The following HIVEP3 variants were observed in gnomAD, a reference collection of about 807,000 sequenced individuals.
The protein encoded by HIVEP3 is HIVEP zinc finger 3, also known as transcription factor HIVEP3.
Under a neutral mutation model 152.8 loss-of-function variants are expected in HIVEP3, and 49 were observed. The observed-to-expected ratio is 0.32, with a 90% CI of 0.26 to 0.41. HIVEP3 has a LOEUF of 0.41. Among genes scored for constraint, HIVEP3 ranks in the 10% least tolerant of loss-of-function variants. The pLI is 1.00. For missense variants in HIVEP3, 2,790 were observed against 3,103.3 expected (o/e 0.90, Z 2.40); for synonymous variants, 1,269 against 1,289.0 (o/e 0.98, Z 0.33).
intron 1 of HIVEP3, among the ~76,000 whole-genome samples, chr1:41,715,185 C>A (rs1646572578): frequency 6.6e-6 from 1 of 152,234 alleles, no homozygotes; most frequent in Non-Finnish European, 1.5e-5. Context: ...CTTCTTCTCT[C>A]CGACCTGGGA....
At chr1:41,965,067 G>A (rs1645190226) in intron 1 of HIVEP3, among the ~76,000 whole-genome samples, 1 of 152,244 alleles carries the variant, frequency 6.6e-6, no homozygotes, top group Admixed American at 6.5e-5. Context: ...GAAGGAACAG[G>A]CAGCCATCTT....
chr1:41,536,699 A>T (rs975551383), intron 5 of HIVEP3, among the ~76,000 whole-genome samples: 8 of 152,192 alleles, frequency 5.3e-5, no homozygotes, highest in African/African-American at 1.7e-4. Flanking sequence ...ACAGATTCAG[A>T]TTTTTAAAAA....
chr1:41,859,357 T>TA (rs1264345866), intron 1 of HIVEP3, among the ~76,000 whole-genome samples: 1 of 152,224 alleles, frequency 6.6e-6, no homozygotes, highest in Non-Finnish European at 1.5e-5. Context: ...GGCTAAATAT[T>TA]AAAAAATAGA....
chr1:41,622,913 CA>C (rs1645066352), intron 3 of HIVEP3, among the ~76,000 whole-genome samples: 1 of 152,218 alleles, frequency 6.6e-6, no homozygotes, highest in Non-Finnish European at 1.5e-5. Flanking sequence ...GTGCCCTTTA[CA>C]CATATTCATT....
intron 1 of HIVEP3, among the ~76,000 whole-genome samples, chr1:41,826,219 T>C (rs1185078683): frequency 6.6e-6 from 1 of 152,198 alleles, no homozygotes; most frequent in Non-Finnish European, 1.5e-5. Context: ...AAGGCTTATT[T>C]CTCTTGTATA....
intron 2 of HIVEP3, among the ~76,000 whole-genome samples, chr1:41,682,464 G>A (rs374783186): frequency 9.9e-5 from 15 of 152,152 alleles, no homozygotes; most frequent in Non-Finnish European, 7.4e-5. Context: ...TTGATGGAAC[G>A]GGTCAGTGAA....
At chr1:41,732,877 C>G (rs920763198) in intron 1 of HIVEP3, among the ~76,000 whole-genome samples, 1 of 152,146 alleles carries the variant, frequency 6.6e-6, no homozygotes, top group Non-Finnish European at 1.5e-5. Flanking sequence ...CAGAGGACAC[C>G]AGGTTTCAGT....
At chr1:41,693,101 C>A (rs1646220834) in intron 2 of HIVEP3, among the ~76,000 whole-genome samples, 1 of 152,114 alleles carries the variant, frequency 6.6e-6, no homozygotes. Flanking sequence ...TTTTCCAGGG[C>A]CAGGTGGCTT....
intron 3 of HIVEP3, among the ~76,000 whole-genome samples, chr1:41,612,295 CCT>C (rs1481620391): frequency 2.6e-5 from 4 of 152,202 alleles, no homozygotes; most frequent in East Asian, 1.9e-4. Context: ...TGTTTACACC[CCT>C]GTTTCAGATG....
chr1:41,857,385 C>A (rs557142159), intron 1 of HIVEP3, among the ~76,000 whole-genome samples: 3 of 152,196 alleles, frequency 2.0e-5, no homozygotes, highest in African/African-American at 7.2e-5. Flanking sequence ...GATGGTATCA[C>A]CAGTAAAATA....
chr1:41,901,269 T>G (rs1200623817), intron 1 of HIVEP3, among the ~76,000 whole-genome samples: 1 of 151,868 alleles, frequency 6.6e-6, no homozygotes, highest in Non-Finnish European at 1.5e-5. Context: ...GTCATGCATG[T>G]GGGAAGGTGC....
At chr1:41,834,103 C>T (rs1180135784) in intron 1 of HIVEP3, among the ~76,000 whole-genome samples, 4 of 152,146 alleles carry the variant, frequency 2.6e-5, no homozygotes, top group Non-Finnish European at 5.9e-5. Context: ...CCAGTGAGCC[C>T]GGCTCCCTCT....
At chr1:41,984,106 G>A (rs1478241560) in intron 1 of HIVEP3, among the ~76,000 whole-genome samples, 1 of 152,126 alleles carries the variant, frequency 6.6e-6, no homozygotes, top group Non-Finnish European at 1.5e-5. Context: ...CTGAGTAACT[G>A]GGGCAATGAA....
At chr1:41,738,377 T>C (rs1433916264) in intron 1 of HIVEP3, among the ~76,000 whole-genome samples, 3 of 152,158 alleles carry the variant, frequency 2.0e-5, no homozygotes, top group Non-Finnish European at 4.4e-5. Flanking sequence ...TAGCGGGGCA[T>C]CTTCTCAGAC....
At chr1:41,881,152 GAC>G (rs1644254754) in intron 1 of HIVEP3, among the ~76,000 whole-genome samples, 1 of 152,192 alleles carries the variant, frequency 6.6e-6, no homozygotes, top group Non-Finnish European at 1.5e-5. Context: ...TGATAGATTA[GAC>G]AATAGCAACA....
intron 3 of HIVEP3, among the ~76,000 whole-genome samples, chr1:41,586,751 G>A (rs1413071386): frequency 3.3e-5 from 5 of 152,176 alleles, no homozygotes; most frequent in South Asian, 4.1e-4. Context: ...GGAGGAGCAG[G>A]TGATTTGATC....
chr1:41,584,346 A>T lies in HIVEP3; in HGVS notation c.452T>A (p.Ile151Asn), dbSNP rs145267711. 260 of 1,613,780 alleles carry T rather than the reference A, an allele frequency of 1.6e-4. 4 individuals carry two copies. The African/African-American group carries it at 2.8e-3, about 18-fold the overall frequency. The change falls in exon 4 of 9, where the codon ATC becomes AAC. Residue 151 changes from isoleucine (I) to asparagine (N), a missense_variant. Physicochemically the swap from Ile to Asn is moderately radical, Grantham distance 149. Coordinates refer to ENST00000372583, the MANE Select transcript of HIVEP3 (RefSeq NM_024503.5). This position sits in a 1 kb window ranked among gnomAD's most constrained non-coding sequence, Gnocchi z 5.2. The stretch of plus-strand genomic sequence containing the variant: ...TCCAGGAAGGTCCTCGGGGGGAATG[A>T]TGGAAGCGTGGGAAGGAAGGAGCTG... ...QSQLLPSHAS[I>N]IPPEDLPGVP...
At chr1:41,977,040 ATGTT>A (rs1645263387) in intron 1 of HIVEP3, among the ~76,000 whole-genome samples, 1 of 152,144 alleles carries the variant, frequency 6.6e-6, no homozygotes, top group Admixed American at 6.5e-5. Flanking sequence ...CATATCTCTA[ATGTT>A]TGCAATGTTA....
intron 1 of HIVEP3, among the ~76,000 whole-genome samples, chr1:41,949,404 C>A (rs939352137): frequency 1.3e-5 from 2 of 152,192 alleles, no homozygotes; most frequent in South Asian, 4.1e-4. Context: ...TTCCTGGTCA[C>A]CTTGCAAGAC....
Sources: gnomAD v4.1 joint callset for allele counts (sites outside exome capture counted in the v4.1 genomes callset) on GRCh38, gnomAD v4.1.1 for gene constraint, Gnocchi (gnomAD v3.1) non-coding constraint, MANE v1.5 for transcripts, NCBI Gene and HGNC (gene_info 2026-07-23, HGNC 2026-07-21) for gene names.